NRG2: variants seen among roughly 807,000 people sequenced by gnomAD.
NRG2 encodes the protein neuregulin 2.
In NRG2, 27 loss-of-function variants were observed where a neutral mutation model predicts 73.9. That is an observed-to-expected ratio of 0.37 (90% CI 0.27 to 0.50). The LOEUF is 0.50. Ranked by LOEUF, NRG2 falls within the 20% of genes least tolerant of loss-of-function variation. The pLI is 0.96. For synonymous variants in NRG2, 532 were observed against 541.0 expected, an observed-to-expected ratio of 0.98 and a Z score of 0.23; for missense variants, 1,126 against 1,210.1, an observed-to-expected ratio of 0.93 and a Z score of 1.03.
rs529356635 is a variant in NRG2, at chr5:139,924,824, C to T, written c.701-37313G>A. ...GGGCCTCGCTGAGGTCTCTTCGCTG[C>T]TACTTCTGGGACAAAGACCACTGCT... On this transcript the variant is annotated intron_variant, in intron 1 of 9. Transcript: ENST00000361474. Among the ~76,000 whole-genome samples, 7 of 152,328 alleles carry T rather than the reference C, an allele frequency of 4.6e-5. No homozygotes were observed. In the South Asian group the frequency reaches 1.4e-3, roughly 32 times the overall value.
Position 139,975,991 on chromosome 5 carries a change from C to T in NRG2, c.700+66379G>A, listed in dbSNP as rs1011038577. Among the ~76,000 whole-genome samples, 5 of 152,312 alleles carry T rather than the reference C, an allele frequency of 3.3e-5. No individual in the cohort carries two copies. The East Asian group carries it at 7.7e-4, about 23-fold the overall frequency. ...ATTGTGGGCTCAACTAAGCATTTTA[C>T]CTAAATTATTACATTTAATCTAAGA... is the stretch of plus-strand genomic sequence containing the variant. On this transcript the variant is annotated intron_variant, in intron 1 of 9. Coordinates refer to ENST00000361474, the MANE Select transcript of NRG2 (RefSeq NM_004883.3).
intron 1 of NRG2, among the ~76,000 whole-genome samples, chr5:140,036,631 T>C (rs77737234): frequency 1.4e-4 from 21 of 152,352 alleles, no homozygotes; most frequent in Admixed American, 5.9e-4. Context: ...GACTTATTTC[T>C]ATGTACAAAT....
At chr5:139,906,517 T>C (rs762311147) in intron 1 of NRG2, among the ~76,000 whole-genome samples, 1 of 152,140 alleles carries the variant, frequency 6.6e-6, no homozygotes, top group Admixed American at 6.5e-5. Context: ...ACTATACTAA[T>C]CTCTCTGCCC....
chr5:139,864,142 G>A (rs1445938633), intron 5 of NRG2, among the ~76,000 whole-genome samples: 2 of 152,276 alleles, frequency 1.3e-5, no homozygotes, highest in East Asian at 1.9e-4. Context: ...CGGGGGGCAC[G>A]CAGGGGCCTA....
Position 139,853,465 on chromosome 5 carries a change from T to G in NRG2, c.1293-438A>C, listed in dbSNP as rs1761605630. Among the ~76,000 whole-genome samples, 2 of 152,150 alleles carry G rather than the reference T, an allele frequency of 1.3e-5. No homozygotes were observed. The highest frequency in any genetic ancestry group is 4.8e-5 in the African/African-American group (2 of 41,416). On this transcript the variant is annotated intron_variant, in intron 6 of 9. Transcript: ENST00000361474. The surrounding 1 kb of genome is among the most constrained non-coding windows in gnomAD (Gnocchi z 4.1). ...GTTATCACTATGTGCCAGACACTGT[T>G]TTGGAGCAGAGACAATAGATAGGTA...
At chr5:139,978,437 A>G in intron 1 of NRG2, among the ~76,000 whole-genome samples, 1 of 152,248 alleles carries the variant, frequency 6.6e-6, no homozygotes, top group Middle Eastern at 3.2e-3. Context: ...TTAAAAAGTC[A>G]GGAAACAACA....
intron 1 of NRG2, among the ~76,000 whole-genome samples, chr5:139,893,971 GCCATCCCCAGGAAGCT>G (rs1333472577): frequency 6.6e-6 from 1 of 152,128 alleles, no homozygotes; most frequent in African/African-American, 2.4e-5. Flanking sequence ...TGTTTGACAG[GCCATCCCCAGGAAGCT>G]CCTCATTAAA....
intron 1 of NRG2, among the ~76,000 whole-genome samples, chr5:139,971,735 T>C (rs539535306): frequency 1.2e-3 from 182 of 152,310 alleles, no homozygotes; most frequent in African/African-American, 4.1e-3. Context: ...GATCTATCAA[T>C]AGAAAATTAT....
intron 3 of NRG2, among the ~76,000 whole-genome samples, chr5:139,878,578 T>C (rs1385195882): frequency 6.6e-6 from 1 of 152,244 alleles, no homozygotes; most frequent in Non-Finnish European, 1.5e-5. Flanking sequence ...TCTGAGTTCT[T>C]AGATTCTGTC....
At chr5:139,889,998 A>T (rs1764102444) in intron 1 of NRG2, among the ~76,000 whole-genome samples, 1 of 152,188 alleles carries the variant, frequency 6.6e-6, no homozygotes. Flanking sequence ...CGATCTTCCT[A>T]AAAGTGGAAT....
chr5:140,037,786 T>G (rs1160457814), intron 1 of NRG2, among the ~76,000 whole-genome samples: 2 of 151,542 alleles, frequency 1.3e-5, no homozygotes, highest in Non-Finnish European at 2.9e-5. Context: ...CGGGTGCCTG[T>G]AATCCCAGCT....
intron 1 of NRG2, among the ~76,000 whole-genome samples, chr5:139,924,335 A>G (rs1036235400): frequency 1.3e-5 from 2 of 152,228 alleles, no homozygotes; most frequent in East Asian, 3.8e-4. Flanking sequence ...AGACAATATC[A>G]AAAGTACAGA....
At chr5:139,953,315 T>C (rs1177717387) in intron 1 of NRG2, among the ~76,000 whole-genome samples, 1 of 152,168 alleles carries the variant, frequency 6.6e-6, no homozygotes, top group Non-Finnish European at 1.5e-5. Context: ...AAGGGGGTCC[T>C]GAGTCTGGCA....
chr5:139,916,543 C>G lies in NRG2; in HGVS notation c.701-29032G>C, dbSNP rs77072186. Among the ~76,000 whole-genome samples the G allele has an allele frequency of 5.0e-4, 76 of 152,208 alleles. 3 individuals carry two copies. The East Asian group carries it at 0.014, about 27-fold the overall frequency. ...AAAGAAACCTCGTACTCTTTAGCAC[C>G]CCCTCCCCCTGCCATCCCCTTCATC... On this transcript the variant is annotated intron_variant, in intron 1 of 9. Transcript: ENST00000361474.
intron 1 of NRG2, among the ~76,000 whole-genome samples, chr5:139,985,416 C>T (rs955498381): frequency 2.0e-5 from 3 of 151,852 alleles, no homozygotes; most frequent in African/African-American, 7.3e-5. Context: ...ATGGGCTGTT[C>T]TAAGCACTGT....
In NRG2 at chr5:139,852,440, G is replaced by A; in HGVS notation, c.1536C>T (p.Ser512=). Residue 512 remains serine, a synonymous_variant, in exon 8 of 10, where the codon TCC becomes TCT. Coordinates refer to ENST00000361474, the MANE Select transcript of NRG2 (RefSeq NM_004883.3). The surrounding 1 kb of genome is among the most constrained non-coding windows in gnomAD (Gnocchi z 4.4). ...GCCTTGGTGGTGCCTACCTGTGGCT[G>A]GAGGTGGGTGTGGCTGTGGAGCAGT... ...SHHCSTATPT[S]SHRHESHTWS... 1 of 1,613,366 alleles carries A rather than the reference G, an allele frequency of 6.2e-7. No homozygotes were observed. Among genetic ancestry groups the A allele is most frequent in the Non-Finnish European group, 8.5e-7 (1 of 1,179,762 alleles).
intron 1 of NRG2, among the ~76,000 whole-genome samples, chr5:139,983,596 C>T (rs1408618894): frequency 2.6e-5 from 4 of 152,216 alleles, no homozygotes; most frequent in Non-Finnish European, 5.9e-5. Context: ...AAAGAGAAGG[C>T]AAAAGAACCT....
At chr5:140,000,747 A>G (rs1758404375) in intron 1 of NRG2, among the ~76,000 whole-genome samples, 1 of 152,136 alleles carries the variant, frequency 6.6e-6, no homozygotes, top group African/African-American at 2.4e-5. Flanking sequence ...GGTCTGCACT[A>G]TTGCTCTGGA....
chr5:140,037,936 TGAAAAACATTGTGTTTTTA>T (rs146937916), intron 1 of NRG2, among the ~76,000 whole-genome samples: 5,444 of 146,504 alleles, frequency 0.037, 326 homozygotes, highest in African/African-American at 0.13. Flanking sequence ...AAGACTGCTT[TGAAAAACATTGTGTTTTTA>T]GAGAAACACA....
Sources: gnomAD v4.1 joint callset for allele counts (sites outside exome capture counted in the v4.1 genomes callset) on GRCh38, gnomAD v4.1.1 for gene constraint, Gnocchi (gnomAD v3.1) non-coding constraint, MANE v1.5 for transcripts, NCBI Gene and HGNC (gene_info 2026-07-23, HGNC 2026-07-21) for gene names.